PDE4D: variants seen among roughly 807,000 people sequenced by gnomAD.
PDE4D encodes 3',5'-cyclic-AMP phosphodiesterase 4D.
Under a neutral mutation model 87.4 loss-of-function variants are expected in PDE4D, and 24 were observed. The ratio of observed to expected loss-of-function variants is 0.27; its 90% CI spans 0.20 to 0.39. The LOEUF (loss-of-function observed/expected upper bound fraction) is 0.39. PDE4D is among the 10% of genes least tolerant of loss of function. PDE4D has a pLI of 1.00. For missense variants in PDE4D, 714 were observed against 1,041.0 expected (o/e 0.69, Z 4.32); for synonymous variants, 384 against 383.2 (o/e 1.00, Z -0.02).
chr5:59,167,609 G>A (rs1484126286), intron 5 of PDE4D, among the ~76,000 whole-genome samples: 1 of 152,070 alleles, frequency 6.6e-6, no homozygotes, highest in African/African-American at 2.4e-5. Flanking sequence ...CAGCTTCTTA[G>A]CTCTTTAGAA....
At chr5:60,138,541 T>G (rs1446748695) in intron 2 of PDE4D, among the ~76,000 whole-genome samples, 1 of 152,128 alleles carries the variant, frequency 6.6e-6, no homozygotes, top group Non-Finnish European at 1.5e-5. Flanking sequence ...CTTTCATTAT[T>G]GTAAAGAATA....
At chr5:59,678,564 C>T (rs1352137716) in intron 1 of PDE4D, among the ~76,000 whole-genome samples, 1 of 152,140 alleles carries the variant, frequency 6.6e-6, no homozygotes, top group African/African-American at 2.4e-5. Flanking sequence ...CTCTGGGGTT[C>T]AAGCACTTCT....
chr5:59,922,167 CA>C (rs765796689), intron 3 of PDE4D, among the ~76,000 whole-genome samples: 3 of 152,138 alleles, frequency 2.0e-5, no homozygotes, highest in African/African-American at 4.8e-5. Flanking sequence ...CAGCCCTAGC[CA>C]GAGTGAAATT....
intron 1 of PDE4D, among the ~76,000 whole-genome samples, chr5:59,837,765 T>C (rs534427173): frequency 1.3e-5 from 2 of 151,558 alleles, no homozygotes; most frequent in African/African-American, 4.8e-5. Flanking sequence ...GATTCGAGAG[T>C]TTCCATGCAG....
At chr5:59,992,329 G>A (rs1286959539) in intron 2 of PDE4D, among the ~76,000 whole-genome samples, 1 of 152,154 alleles carries the variant, frequency 6.6e-6, no homozygotes, top group Non-Finnish European at 1.5e-5. Flanking sequence ...TTTGGGACTC[G>A]AATTGGCTTC....
At chr5:59,690,683 C>G (rs960813359) in intron 1 of PDE4D, among the ~76,000 whole-genome samples, 2 of 152,094 alleles carry the variant, frequency 1.3e-5, no homozygotes, top group Non-Finnish European at 2.9e-5. Flanking sequence ...ACTAAAACAC[C>G]AAAAGCAATG....
At chr5:60,145,913 G>A (rs1367007666) in intron 2 of PDE4D, among the ~76,000 whole-genome samples, 2 of 152,104 alleles carry the variant, frequency 1.3e-5, no homozygotes, top group Non-Finnish European at 2.9e-5. Context: ...CTTTCAACTA[G>A]GTTATAAATT....
intron 3 of PDE4D, among the ~76,000 whole-genome samples, chr5:59,190,134 A>G (rs1743990808): frequency 6.6e-6 from 1 of 152,194 alleles, no homozygotes; most frequent in African/African-American, 2.4e-5. Context: ...ACTCAGGCAT[A>G]AAGAAATGAG....
chr5:59,018,549 C>T (rs1217958145), intron 6 of PDE4D, among the ~76,000 whole-genome samples: 4 of 152,108 alleles, frequency 2.6e-5, no homozygotes, highest in African/African-American at 9.7e-5. Context: ...GTAAAAAACA[C>T]GAAAAGCCTT....
At chr5:59,625,475 T>C (rs1443940643) in intron 1 of PDE4D, among the ~76,000 whole-genome samples, 2 of 151,858 alleles carry the variant, frequency 1.3e-5, no homozygotes, top group South Asian at 2.1e-4. Context: ...CCTGTTATCC[T>C]GAATTTCTGA....
intron 1 of PDE4D, among the ~76,000 whole-genome samples, chr5:59,528,012 C>A (rs1177739381): frequency 6.6e-6 from 1 of 152,184 alleles, no homozygotes; most frequent in African/African-American, 2.4e-5. Flanking sequence ...CATCAACCAC[C>A]ATCCAGTTAA....
At chr5:59,426,789 A>C (rs1465464347) in intron 1 of PDE4D, among the ~76,000 whole-genome samples, 1 of 148,922 alleles carries the variant, frequency 6.7e-6, no homozygotes, top group Non-Finnish European at 1.5e-5. Context: ...TTCCATTTTG[A>C]TTAAAAAAAA....
At chr5:60,065,628 C>T in intron 2 of PDE4D, among the ~76,000 whole-genome samples, 1 of 152,086 alleles carries the variant, frequency 6.6e-6, no homozygotes, top group South Asian at 2.1e-4. Context: ...TGATGTTCCC[C>T]TTCCTGTGTC....
intron 1 of PDE4D, among the ~76,000 whole-genome samples, chr5:60,233,593 T>A (rs944946973): frequency 1.1e-4 from 16 of 151,732 alleles, no homozygotes; most frequent in Non-Finnish European, 1.0e-4. Context: ...AATTTTAACA[T>A]AATAGAATAG....
chr5:59,919,999 T>C (rs931862237), intron 3 of PDE4D, among the ~76,000 whole-genome samples: 2 of 152,356 alleles, frequency 1.3e-5, no homozygotes, highest in Admixed American at 6.5e-5. Flanking sequence ...GATATAAGTA[T>C]GAAATCTTGA....
intron 1 of PDE4D, among the ~76,000 whole-genome samples, chr5:60,221,329 G>T (rs1026948682): frequency 8.6e-5 from 13 of 151,896 alleles, no homozygotes; most frequent in Non-Finnish European, 1.6e-4. Context: ...ATAAAAATAA[G>T]ATATTATTAA....
At chr5:60,402,715 T>A (rs149397698) in intron 1 of PDE4D, among the ~76,000 whole-genome samples, 1 of 152,246 alleles carries the variant, frequency 6.6e-6, no homozygotes, top group Non-Finnish European at 1.5e-5. Context: ...GGTGATCTTA[T>A]GTTGATGCTT....
At chr5:59,287,659 G>A (rs1767228672) in intron 1 of PDE4D, among the ~76,000 whole-genome samples, 1 of 151,958 alleles carries the variant, frequency 6.6e-6, no homozygotes, top group South Asian at 2.1e-4. Flanking sequence ...TCCCAGTGGT[G>A]GTGGCCACAG....
chr5:60,195,742 G>A lies in PDE4D; in HGVS notation c.-89-10055C>T, dbSNP rs960156501. Among the ~76,000 whole-genome samples, 12 of 151,666 alleles carry A rather than the reference G, an allele frequency of 7.9e-5. 1 individual carries two copies. The highest frequency in any genetic ancestry group is 1.2e-4 in the Non-Finnish European group (8 of 67,784). Reference sequence around the variant, plus strand: ...CACTAAGTGCTCTGACAGAATCTCAGAATAGCTGGTGTGGGACCCCCGAGG... The same window carrying A: ...CACTAAGTGCTCTGACAGAATCTCAAAATAGCTGGTGTGGGACCCCCGAGG... On this transcript the variant is annotated intron_variant, in intron 1 of 16. Transcript: ENST00000502484.
Sources: gnomAD v4.1 joint callset for allele counts (sites outside exome capture counted in the v4.1 genomes callset) on GRCh38, gnomAD v4.1.1 for gene constraint, MANE v1.5 for transcripts, NCBI Gene and HGNC (gene_info 2026-07-23, HGNC 2026-07-21) for gene names.